MAPK10: variants seen among roughly 807,000 people sequenced by gnomAD.
The protein encoded by MAPK10 is mitogen-activated protein kinase 10.
In MAPK10, 25 loss-of-function variants were observed where a neutral mutation model predicts 59.3. That is an observed-to-expected ratio of 0.42 (90% CI 0.31 to 0.59). The LOEUF is 0.59. Among genes scored for constraint, MAPK10 ranks in the 20% least tolerant of loss-of-function variants. MAPK10 has a pLI of 0.15. For synonymous variants in MAPK10, 190 were observed against 200.5 expected, an observed-to-expected ratio of 0.95 and a Z score of 0.44; for missense variants, 351 against 568.9, an observed-to-expected ratio of 0.62 and a Z score of 3.90.
chr4:86,037,968 C>A (rs1458700703), intron 11 of MAPK10, among the ~76,000 whole-genome samples: 1 of 152,240 alleles, frequency 6.6e-6, no homozygotes, highest in East Asian at 1.9e-4. Flanking sequence ...TCAGTCTACA[C>A]TTACAGCTAG....
chr4:86,338,217 G>A (rs938778033), intron 2 of MAPK10, among the ~76,000 whole-genome samples: 2 of 152,114 alleles, frequency 1.3e-5, no homozygotes, highest in African/African-American at 4.8e-5. Context: ...ACCCAAACTG[G>A]GGCTTTGAAC....
chr4:86,453,706 T>C (rs1750986794), upstream of MAPK10, among the ~76,000 whole-genome samples: 1 of 151,750 alleles, frequency 6.6e-6, no homozygotes, highest in African/African-American at 2.4e-5. Flanking sequence ...AAAGGGCATA[T>C]ACCCTTGGGA....
intron 2 of MAPK10, among the ~76,000 whole-genome samples, chr4:86,259,893 T>G (rs891075653): frequency 2.0e-5 from 3 of 152,098 alleles, no homozygotes; most frequent in African/African-American, 7.2e-5. Flanking sequence ...AAGTGATACA[T>G]GGGCAAAATC....
At position 86,016,974 on chromosome 4, in the gene MAPK10, G is replaced by C. The variant is rs1358804662; in HGVS notation, c.*254C>G. 1 of 377,686 alleles carries C rather than the reference G, an allele frequency of 2.6e-6. No individual in the cohort carries two copies. Among genetic ancestry groups the C allele is most frequent in the Non-Finnish European group, 4.9e-6 (1 of 205,720 alleles). The allele number at this position is 377,686 out of a possible 1,614,324, so 23.4% of individuals were successfully genotyped here. ...TCTAATTGTGTCTGATTTGCTTTCT[G>C]TAGTAAGCATCATTGGAAGAAGACC... On this transcript the variant is annotated 3_prime_UTR_variant, in exon 14 of 14. Coordinates refer to ENST00000641462, the MANE Select transcript of MAPK10 (RefSeq NM_138982.4).
chr4:86,140,586 T>C (rs1223647405), intron 4 of MAPK10, among the ~76,000 whole-genome samples: 1 of 147,630 alleles, frequency 6.8e-6, no homozygotes, highest in African/African-American at 2.5e-5. Context: ...CAATGCTAGA[T>C]GACGAGTTAG....
intron 9 of MAPK10, among the ~76,000 whole-genome samples, chr4:86,091,640 T>G (rs748618018): frequency 2.7e-5 from 4 of 150,110 alleles, no homozygotes; most frequent in South Asian, 2.1e-4. Context: ...CTGGTCTCTA[T>G]GTTGCTTTAG....
At chr4:86,159,002 T>G (rs916534754) in intron 4 of MAPK10, 1 of 230,756 alleles carries the variant, frequency 4.3e-6, no homozygotes, top group African/African-American at 2.3e-5. Context: ...TACAAATACA[T>G]TAGCAACTGC....
intron 1 of MAPK10, among the ~76,000 whole-genome samples, chr4:86,571,264 A>AAT (rs574137394): frequency 0.037 from 5,358 of 144,322 alleles, 211 homozygotes; most frequent in African/African-American, 0.094. Flanking sequence ...CCAAAATTTA[A>AAT]ATATATATAT....
At chr4:86,333,852 T>G (rs1362982675) in intron 2 of MAPK10, among the ~76,000 whole-genome samples, 1 of 152,196 alleles carries the variant, frequency 6.6e-6, no homozygotes, top group Non-Finnish European at 1.5e-5. Flanking sequence ...CATAACACAG[T>G]GCCTGGCACA....
At chr4:86,539,336 G>A (rs1421663297) in intron 1 of MAPK10, among the ~76,000 whole-genome samples, 1 of 152,124 alleles carries the variant, frequency 6.6e-6, no homozygotes, top group Non-Finnish European at 1.5e-5. Context: ...GTCTATTACA[G>A]TGACACACTG....
chr4:86,578,721 C>T (rs1762062949), intron 1 of MAPK10, among the ~76,000 whole-genome samples: 1 of 152,016 alleles, frequency 6.6e-6, no homozygotes, highest in Admixed American at 6.6e-5. Context: ...AGTTTTCTAG[C>T]AGCAAATATT....
chr4:86,511,937 A>G (rs1007883634), intron 1 of MAPK10, among the ~76,000 whole-genome samples: 2 of 152,022 alleles, frequency 1.3e-5, no homozygotes, highest in African/African-American at 4.8e-5. Flanking sequence ...GAATTAAAAT[A>G]CAGATTTTAA....
At chr4:86,376,904 A>C (rs1198872469) in intron 1 of MAPK10, among the ~76,000 whole-genome samples, 1 of 152,222 alleles carries the variant, frequency 6.6e-6, no homozygotes. Context: ...TCACAGAAGA[A>C]AAACCTCTGT....
chr4:86,077,819 GC>G (rs1448517657), intron 9 of MAPK10, among the ~76,000 whole-genome samples: 2 of 152,110 alleles, frequency 1.3e-5, no homozygotes, highest in Admixed American at 6.5e-5. Flanking sequence ...TCCAGGAGAG[GC>G]TTTTATCATG....
chr4:86,413,835 G>T (rs1745511347), intron 1 of MAPK10, among the ~76,000 whole-genome samples: 1 of 152,110 alleles, frequency 6.6e-6, no homozygotes, highest in African/African-American at 2.4e-5. Context: ...GGCTTCCCTT[G>T]GCTAGAAAAG....
chr4:86,527,556 T>C (rs976106043), intron 1 of MAPK10, among the ~76,000 whole-genome samples: 2 of 152,138 alleles, frequency 1.3e-5, no homozygotes, highest in African/African-American at 4.8e-5. Flanking sequence ...TTATACACTG[T>C]TGGTGGGAAT....
chr4:86,435,172 A>T lies in MAPK10; in HGVS notation c.-122+17858T>A, dbSNP rs534737966. On this transcript the variant is annotated intron_variant, in intron 1 of 13. Coordinates refer to the MAPK10 transcript ENST00000361569. ...AAAGGGAAAAAAAGAATATAAAGGT[A>T]GTTATAACTGCTGAACTGTCCACTT... Among the ~76,000 whole-genome samples the T allele has an allele frequency of 1.1e-4, 17 of 152,284 alleles. No homozygotes were observed. In the South Asian group the frequency reaches 3.5e-3, roughly 32 times the overall value.
intron 2 of MAPK10, among the ~76,000 whole-genome samples, chr4:86,214,480 A>T (rs921122270): frequency 7.1e-6 from 1 of 141,684 alleles, no homozygotes; most frequent in South Asian, 2.4e-4. Context: ...AGATAATCTG[A>T]TTTTCTACAT....
intron 2 of MAPK10, among the ~76,000 whole-genome samples, chr4:86,255,769 C>T (rs1321819678): frequency 1.3e-5 from 2 of 152,014 alleles, no homozygotes; most frequent in Non-Finnish European, 2.9e-5. Flanking sequence ...CTAAAATTGG[C>T]CTCTGAAATA....
Sources: gnomAD v4.1 joint callset for allele counts (sites outside exome capture counted in the v4.1 genomes callset) on GRCh38, gnomAD v4.1.1 for gene constraint, MANE v1.5 for transcripts, NCBI Gene and HGNC (gene_info 2026-07-23, HGNC 2026-07-21) for gene names.